The following IMMP2L variants were observed in gnomAD, a reference collection of about 807,000 sequenced individuals.
IMMP2L encodes inner mitochondrial membrane peptidase subunit 2.
IMMP2L carries 18 observed loss-of-function variants against 19.3 expected under a neutral mutation model. The observed-to-expected ratio is 0.93, with a 90% CI of 0.64 to 1.38. IMMP2L has a LOEUF of 1.38. Ranked by LOEUF, IMMP2L falls within the 40% of genes most tolerant of loss-of-function variation. IMMP2L has a pLI of 0.00. For synonymous variants in IMMP2L, 76 were observed against 73.0 expected, an observed-to-expected ratio of 1.04 and a Z score of -0.21; for missense variants, 233 against 218.2, an observed-to-expected ratio of 1.07 and a Z score of -0.43.
chr7:110,733,820 G>A lies in IMMP2L; in HGVS notation c.409-70099C>T, dbSNP rs372759840. Among the ~76,000 whole-genome samples, 85 of 152,122 alleles carry A rather than the reference G, an allele frequency of 5.6e-4. 2 individuals are homozygous for A. Among genetic ancestry groups the A allele is most frequent in the African/African-American group, 2.0e-3 (84 of 41,490 alleles). On this transcript the variant is annotated intron_variant, in intron 5 of 5. Transcript: ENST00000405709. ...CTGGCCCTTCCTCCATTATATGAGG[G>A]CAATGCATTCATCCATTCCATCATG...
chr7:111,216,741 A>G (rs1370689633), intron 3 of IMMP2L, among the ~76,000 whole-genome samples: 1 of 152,154 alleles, frequency 6.6e-6, no homozygotes, highest in East Asian at 1.9e-4. Context: ...ACATCCAATT[A>G]TATCATATGA....
chr7:111,224,682 G>A (rs951232312), intron 3 of IMMP2L, among the ~76,000 whole-genome samples: 2 of 152,048 alleles, frequency 1.3e-5, no homozygotes, highest in Non-Finnish European at 2.9e-5. Context: ...AGGAGTTCAT[G>A]AGGGCAAAAT....
intron 3 of IMMP2L, among the ~76,000 whole-genome samples, chr7:111,363,577 CT>C (rs1470851889): frequency 6.6e-6 from 1 of 152,008 alleles, no homozygotes; most frequent in East Asian, 1.9e-4. Flanking sequence ...GGAAATGTAT[CT>C]CTTCCTCATT....
chr7:111,063,843 C>T (rs1244452137), intron 3 of IMMP2L, among the ~76,000 whole-genome samples: 1 of 152,150 alleles, frequency 6.6e-6, no homozygotes, highest in African/African-American at 2.4e-5. Flanking sequence ...CCTTATTTTT[C>T]ATATCACTAT....
At chr7:111,136,110 C>A (rs1802310189) in intron 3 of IMMP2L, among the ~76,000 whole-genome samples, 1 of 151,804 alleles carries the variant, frequency 6.6e-6, no homozygotes. Flanking sequence ...CTCACTGCAA[C>A]CTCGGCCTCC....
At chr7:110,828,303 C>T (rs925128641) in intron 5 of IMMP2L, among the ~76,000 whole-genome samples, 1 of 152,166 alleles carries the variant, frequency 6.6e-6, no homozygotes, top group Admixed American at 6.6e-5. Context: ...GACTCCTGCA[C>T]TAAGCCATCT....
intron 3 of IMMP2L, among the ~76,000 whole-genome samples, chr7:111,211,011 T>C (rs1412946888): frequency 6.6e-6 from 1 of 152,106 alleles, no homozygotes; most frequent in East Asian, 1.9e-4. Context: ...TCCTAAAAAA[T>C]AATATATTCA....
intron 3 of IMMP2L, among the ~76,000 whole-genome samples, chr7:111,322,103 A>C (rs1407923424): frequency 6.6e-6 from 1 of 151,976 alleles, no homozygotes; most frequent in African/African-American, 2.4e-5. Context: ...AACAATGCCA[A>C]GAGACATCCC....
At chr7:110,768,545 T>C (rs1461086913) in intron 5 of IMMP2L, among the ~76,000 whole-genome samples, 1 of 152,140 alleles carries the variant, frequency 6.6e-6, no homozygotes, top group Non-Finnish European at 1.5e-5. Flanking sequence ...GCTTTAGCCA[T>C]AATGAACTAC....
chr7:111,256,441 T>G (rs2129633436), intron 3 of IMMP2L, among the ~76,000 whole-genome samples: 1 of 152,222 alleles, frequency 6.6e-6, no homozygotes, highest in Middle Eastern at 3.4e-3. Flanking sequence ...CATGTCATTT[T>G]CTTCTTCTAA....
At chr7:110,900,559 C>T (rs1414644711) in intron 4 of IMMP2L, among the ~76,000 whole-genome samples, 2 of 152,116 alleles carry the variant, frequency 1.3e-5, no homozygotes, top group Non-Finnish European at 2.9e-5. Context: ...ATCCTTCTGC[C>T]CTACTGAACA....
At chr7:111,402,449 G>T (rs112102743) in intron 3 of IMMP2L, among the ~76,000 whole-genome samples, 1 of 151,936 alleles carries the variant, frequency 6.6e-6, no homozygotes, top group African/African-American at 2.4e-5. Context: ...GGTGGCTCAC[G>T]CATGCAATCC....
chr7:111,159,256 C>T (rs1804989089), intron 3 of IMMP2L, among the ~76,000 whole-genome samples: 1 of 152,120 alleles, frequency 6.6e-6, no homozygotes, highest in Non-Finnish European at 1.5e-5. Flanking sequence ...GCTGGGACTA[C>T]AGGCATCTGC....
intron 5 of IMMP2L, among the ~76,000 whole-genome samples, chr7:110,677,221 T>A (rs17157888): frequency 1.3e-5 from 2 of 152,018 alleles, no homozygotes; most frequent in African/African-American, 4.8e-5. Context: ...GCGAAACAGA[T>A]GCATGGTTTA....
intron 3 of IMMP2L, among the ~76,000 whole-genome samples, chr7:111,423,868 T>C (rs955497191): frequency 6.6e-6 from 1 of 151,696 alleles, no homozygotes; most frequent in East Asian, 1.9e-4. Flanking sequence ...CAGGAACTGG[T>C]TTTTTGAAAA....
At chr7:110,836,365 G>T (rs1804473554) in intron 5 of IMMP2L, among the ~76,000 whole-genome samples, 1 of 152,146 alleles carries the variant, frequency 6.6e-6, no homozygotes, top group Non-Finnish European at 1.5e-5. Context: ...ATTTCCATGT[G>T]TTGAGGAAGA....
intron 3 of IMMP2L, among the ~76,000 whole-genome samples, chr7:111,464,114 C>T (rs1356189887): frequency 6.6e-6 from 1 of 152,076 alleles, no homozygotes; most frequent in Non-Finnish European, 1.5e-5. Context: ...CTACCACGTA[C>T]TAGATTACAT....
chr7:110,913,392 C>CTA (rs1170137014), intron 4 of IMMP2L, among the ~76,000 whole-genome samples: 1 of 151,690 alleles, frequency 6.6e-6, no homozygotes, highest in Non-Finnish European at 1.5e-5. Context: ...AGACATTCTG[C>CTA]TATATAAGAG....
At chr7:111,021,527 C>A (rs1409887884) in intron 3 of IMMP2L, among the ~76,000 whole-genome samples, 1 of 152,160 alleles carries the variant, frequency 6.6e-6, no homozygotes, top group African/African-American at 2.4e-5. Context: ...GAAGGAGTAG[C>A]AAAGTCACAT....
Sources: gnomAD v4.1 joint callset for allele counts (sites outside exome capture counted in the v4.1 genomes callset) on GRCh38, gnomAD v4.1.1 for gene constraint, MANE v1.5 for transcripts, NCBI Gene and HGNC (gene_info 2026-07-23, HGNC 2026-07-21) for gene names.